Variants in TPO observed in about 807,000 individuals in gnomAD.
TPO encodes thyroid peroxidase.
A neutral mutation model predicts 96.9 loss-of-function variants in TPO; 78 were observed. The ratio of observed to expected loss-of-function variants is 0.81; its 90% CI spans 0.67 to 0.97. TPO has a LOEUF of 0.97. TPO is among the 50% of genes least tolerant of loss of function. The probability of loss-of-function intolerance (pLI) is 0.00; values close to 1 mark genes in which losing one functional copy is unlikely to be tolerated. For missense variants in TPO, 1,252 were observed against 1,274.8 expected (o/e 0.98, Z 0.27); for synonymous variants, 547 against 538.0 (o/e 1.02, Z -0.23).
chr2:1,532,196 T>C (rs1361323160), intron 15 of TPO, among the ~76,000 whole-genome samples: 1 of 30,048 alleles, frequency 3.3e-5, no homozygotes, highest in Non-Finnish European at 6.1e-5. Context: ...CCTCCTCAAA[T>C]CCCCCACCAC....
At chr2:1,385,334 A>G (rs1474355399) in intron 1 of TPO, among the ~76,000 whole-genome samples, 2 of 152,082 alleles carry the variant, frequency 1.3e-5, no homozygotes, top group Admixed American at 6.6e-5. Flanking sequence ...GAATCTGTCC[A>G]GTCCTGGACT....
intron 14 of TPO, chr2:1,512,532 CG>C (rs1674262972): frequency 2.1e-6 from 2 of 951,742 alleles, no homozygotes; most frequent in Non-Finnish European, 1.3e-6. Flanking sequence ...GTCCCTGCCC[CG>C]CTCCGCCCCT....
chr2:1,434,022 TG>T (rs1015043896), intron 4 of TPO, among the ~76,000 whole-genome samples: 43 of 152,292 alleles, frequency 2.8e-4, no homozygotes, highest in African/African-American at 9.6e-4. Flanking sequence ...ACTGAGTTGC[TG>T]GTGCCTCAGC....
chr2:1,423,509 G>A (rs1056072406), intron 3 of TPO, among the ~76,000 whole-genome samples: 4 of 152,110 alleles, frequency 2.6e-5, no homozygotes, highest in Admixed American at 2.6e-4. Context: ...CATTACCTGT[G>A]GCATAGAATA....
chr2:1,527,455 CCA>C (rs1553336357), intron 15 of TPO, among the ~76,000 whole-genome samples: 1 of 148,668 alleles, frequency 6.7e-6, no homozygotes, highest in Admixed American at 6.7e-5. Flanking sequence ...CTCAAATACC[CCA>C]CTGTGTGCAA....
intron 7 of TPO, among the ~76,000 whole-genome samples, chr2:1,457,725 T>TC (rs1300748249): frequency 3.3e-5 from 5 of 151,708 alleles, no homozygotes; most frequent in Middle Eastern, 3.4e-3. Context: ...TACTGTGTGG[T>TC]CACAAGTATA....
Position 1,496,632 on chromosome 2 carries a change from G to A in TPO, c.2253G>A (p.Gly751=), listed in dbSNP as rs1169165027. The A allele has an allele frequency of 1.2e-6, 2 of 1,613,894 alleles. No individual in the cohort carries two copies. The highest frequency in any genetic ancestry group is 1.7e-6 in the Non-Finnish European group (2 of 1,180,038). ...GCTTCCCAGAGAGCGTGGAGAATGG[G>A]GACTTTGTGCACTGTGAGGAGTCTG... The part of the protein sequence containing the change: ...KCGFPESVEN[G]DFVHCEESGR... The change falls in exon 13 of 17, where the codon GGG becomes GGA. Residue 751 remains glycine, a synonymous_variant. Coordinates refer to ENST00000329066, the MANE Select transcript of TPO (RefSeq NM_001206744.2).
At chr2:1,472,035 G>A (rs1327954595) in intron 7 of TPO, among the ~76,000 whole-genome samples, 1 of 151,818 alleles carries the variant, frequency 6.6e-6, no homozygotes, top group Non-Finnish European at 1.5e-5. Context: ...CCCATTCTTT[G>A]AGTGCTCATA....
intron 15 of TPO, among the ~76,000 whole-genome samples, chr2:1,528,628 T>TC (rs1445005697): frequency 4.3e-5 from 4 of 93,684 alleles, no homozygotes; most frequent in East Asian, 4.3e-4. Context: ...CCTCCCCAAA[T>TC]CCCCCCCACT....
chr2:1,421,823 G>A (rs1353589660), intron 2 of TPO, among the ~76,000 whole-genome samples: 1 of 152,098 alleles, frequency 6.6e-6, no homozygotes, highest in African/African-American at 2.4e-5. Flanking sequence ...CTCCCCTCTC[G>A]GCTCCTACTC....
At chr2:1,389,109 G>A (rs1363337951) in intron 1 of TPO, among the ~76,000 whole-genome samples, 1 of 152,148 alleles carries the variant, frequency 6.6e-6, no homozygotes. Context: ...TGACAAAGCT[G>A]GGCTGGGCTG....
intron 5 of TPO, among the ~76,000 whole-genome samples, chr2:1,448,913 G>A (rs1024185355): frequency 4.6e-5 from 7 of 152,132 alleles, no homozygotes; most frequent in African/African-American, 1.7e-4. Context: ...TTCCCCTGAC[G>A]CCCGGCTTCC....
intron 8 of TPO, chr2:1,478,215 C>G: frequency 1.0e-6 from 1 of 985,370 alleles, no homozygotes; most frequent in Non-Finnish European, 1.2e-6. Context: ...TCAAGTTGGC[C>G]TTTTATTAAT....
rs1397279329 is a variant in TPO, at chr2:1,422,344, C to CGACATTGTGCAGACGCCGCGCTGGACA, written c.95-698_95-697insATTGTGCAGACGCCGCGCTGGACAGAC. ...CCTCGTGCAGGCGCCTCTCCTGGAC[C>CGACATTGTGCAGACGCCGCGCTGGACA]GACCTCGTGCAGGCGCCGCGCTGGA... On this transcript the variant is annotated intron_variant, in intron 2 of 16. Transcript: ENST00000329066. Among the ~76,000 whole-genome samples the CGACATTGTGCAGACGCCGCGCTGGACA allele has an allele frequency of 7.9e-3, 614 of 77,478 alleles. 29 individuals carry two copies. Among genetic ancestry groups the CGACATTGTGCAGACGCCGCGCTGGACA allele is most frequent in the East Asian group, 0.042 (126 of 2,990 alleles). The allele number at this position is 77,478 out of a possible 152,430, so 50.8% of individuals were successfully genotyped here.
intron 3 of TPO, among the ~76,000 whole-genome samples, chr2:1,425,890 T>A (rs985197219): frequency 4.0e-5 from 6 of 150,110 alleles, no homozygotes; most frequent in African/African-American, 1.5e-4. Flanking sequence ...AAGTCTGTGC[T>A]CCTTCCGTAA....
chr2:1,521,590 T>G (rs1331853326), intron 15 of TPO, among the ~76,000 whole-genome samples: 1 of 152,132 alleles, frequency 6.6e-6, no homozygotes, highest in Non-Finnish European at 1.5e-5. Flanking sequence ...CTGAACTGCA[T>G]GTTGATGACA....
chr2:1,424,626 T>A (rs185017766), intron 3 of TPO, among the ~76,000 whole-genome samples: 43 of 152,354 alleles, frequency 2.8e-4, no homozygotes, highest in African/African-American at 1.0e-3. Flanking sequence ...CTGGGGAGAC[T>A]ATTGGAAAGA....
chr2:1,380,209 A>C (rs1328948265), intron 1 of TPO, among the ~76,000 whole-genome samples: 1 of 152,084 alleles, frequency 6.6e-6, no homozygotes, highest in East Asian at 1.9e-4. Flanking sequence ...CCTGGCTAAT[A>C]CGGTGAAACC....
intron 7 of TPO, among the ~76,000 whole-genome samples, chr2:1,476,175 A>G (rs1669918095): frequency 6.6e-6 from 1 of 152,180 alleles, no homozygotes; most frequent in South Asian, 2.1e-4. Context: ...ATGTCCTATT[A>G]CGAGAAGACC....
Sources: gnomAD v4.1 joint callset for allele counts (sites outside exome capture counted in the v4.1 genomes callset) on GRCh38, gnomAD v4.1.1 for gene constraint, MANE v1.5 for transcripts, NCBI Gene and HGNC (gene_info 2026-07-23, HGNC 2026-07-21) for gene names.